The following WDR49 variants were observed in gnomAD, a reference collection of about 807,000 sequenced individuals.
WDR49 encodes the protein cilia- and flagella-associated protein 337.
Under a neutral mutation model 119.5 loss-of-function variants are expected in WDR49, and 107 were observed. The observed-to-expected ratio is 0.90, with a 90% CI of 0.77 to 1.05. The LOEUF is 1.05. Ranked by LOEUF, WDR49 falls within the 50% of genes least tolerant of loss-of-function variation. WDR49 has a pLI of 0.00. For missense variants in WDR49, 1,240 were observed against 1,220.5 expected, an observed-to-expected ratio of 1.02 and a Z score of -0.24; for synonymous variants, 425 against 418.8, an observed-to-expected ratio of 1.01 and a Z score of -0.18.
intron 7 of WDR49, among the ~76,000 whole-genome samples, chr3:167,598,288 G>C (rs935416780): frequency 4.6e-5 from 7 of 151,324 alleles, no homozygotes; most frequent in African/African-American, 1.7e-4. Context: ...GTGGGTGACA[G>C]AGCAAGACTC....
chr3:167,558,785 T>G (rs1019898966), intron 9 of WDR49, among the ~76,000 whole-genome samples: 4 of 152,208 alleles, frequency 2.6e-5, no homozygotes, highest in Non-Finnish European at 5.9e-5. Context: ...TATACCCAGT[T>G]ACTTTCCAAG....
At chr3:167,513,743 C>G (rs1056783725) in intron 16 of WDR49, among the ~76,000 whole-genome samples, 2 of 151,782 alleles carry the variant, frequency 1.3e-5, no homozygotes, top group African/African-American at 2.4e-5. Flanking sequence ...CACATAGGCT[C>G]AAAATAAAGG....
chr3:167,556,611 C>T (rs1397858174), intron 9 of WDR49, among the ~76,000 whole-genome samples: 1 of 152,214 alleles, frequency 6.6e-6, no homozygotes, highest in African/African-American at 2.4e-5. Flanking sequence ...GCAGGCCAGG[C>T]ACCGTGGCTC....
chr3:167,639,973 C>T (rs1226344520), intron 2 of WDR49, among the ~76,000 whole-genome samples: 1 of 151,776 alleles, frequency 6.6e-6, no homozygotes, highest in East Asian at 1.9e-4. Context: ...GGAATCCTTC[C>T]ATGTTTTCTT....
intron 8 of WDR49, 132 bp from the exon 9 acceptor site, chr3:167,560,360 G>T: frequency 3.3e-6 from 3 of 909,038 alleles, no homozygotes; most frequent in South Asian, 1.9e-5. Flanking sequence ...TTTTGTAATG[G>T]ACTTTCTTTC....
intron 5 of WDR49, among the ~76,000 whole-genome samples, chr3:167,611,048 C>A (rs995742794): frequency 2.0e-5 from 3 of 152,140 alleles, no homozygotes; most frequent in Admixed American, 6.5e-5. Context: ...CACAGAATAT[C>A]ATAACACTGT....
At chr3:167,593,870 A>G (rs115146322) in intron 7 of WDR49, among the ~76,000 whole-genome samples, 92 of 152,164 alleles carry the variant, frequency 6.0e-4, no homozygotes, top group African/African-American at 2.0e-3. Flanking sequence ...TTCTCATGAT[A>G]GTGAGGGAAT....
Position 167,543,865 on chromosome 3 carries a change from T to C in WDR49, c.1824-6865A>G, listed in dbSNP as rs1301633938. On this transcript the variant is annotated intron_variant, in intron 10 of 18. Coordinates refer to ENST00000682715, the MANE Select transcript of WDR49 (RefSeq NM_001366157.1). ...AAGTCAAACTGTTGCTGTTTCCCAA[T>C]GATATGATTGTATACCTAGAAAACC... Among the ~76,000 whole-genome samples the C allele has an allele frequency of 4.6e-5, 7 of 152,110 alleles. No individual in the cohort carries two copies. The South Asian group carries it at 1.4e-3, about 31-fold the overall frequency.
intron 18 of WDR49, among the ~76,000 whole-genome samples, chr3:167,496,439 T>C (rs1054940727): frequency 3.3e-5 from 5 of 151,806 alleles, no homozygotes; most frequent in Non-Finnish European, 7.4e-5. Flanking sequence ...ATACCACTCC[T>C]CTACCAGAGT....
rs115744363 is a variant in WDR49 at position 167,488,364 on chromosome 3, T to C, written c.3032-9368A>G. Among the ~76,000 whole-genome samples the C allele has an allele frequency of 5.7e-3, 860 of 151,892 alleles. 3 individuals are homozygous for C. Among genetic ancestry groups the C allele is most frequent in the Admixed American group, 7.8e-3 (119 of 15,222 alleles). On this transcript the variant is annotated intron_variant, in intron 18 of 18. Transcript: ENST00000682715. ...CACTGAGCACACATGGATGTAAATA[T>C]GATAAAAACAGTCACTATGGACTAC...
At chr3:167,485,073 C>T (rs911899769) in intron 18 of WDR49, among the ~76,000 whole-genome samples, 5 of 152,122 alleles carry the variant, frequency 3.3e-5, no homozygotes, top group Non-Finnish European at 7.4e-5. Context: ...GGCCATCATT[C>T]TCAGCAAACT....
chr3:167,523,151 C>A (rs1345398967), intron 15 of WDR49, among the ~76,000 whole-genome samples: 1 of 152,014 alleles, frequency 6.6e-6, no homozygotes, highest in East Asian at 1.9e-4. Context: ...GGCTGGTGCG[C>A]AAATTGATCA....
intron 8 of WDR49, among the ~76,000 whole-genome samples, chr3:167,565,396 C>CAG (rs1223497045): frequency 7.1e-6 from 1 of 140,034 alleles, no homozygotes; most frequent in African/African-American, 2.7e-5. Flanking sequence ...CACACACACA[C>CAG]ACACACACAC....
At chr3:167,604,495 C>G in intron 5 of WDR49, 27 bp from the exon 6 acceptor site, 1 of 1,551,782 alleles carries the variant, frequency 6.4e-7, no homozygotes, top group East Asian at 2.4e-5. Flanking sequence ...AAGAGAAAAA[C>G]AATCTTTAGT....
rs572655479 is a variant in WDR49 at position 167,504,136 on chromosome 3, G to A, written c.2884+1171C>T. Among the ~76,000 whole-genome samples, 9 of 152,292 alleles carry A rather than the reference G, an allele frequency of 5.9e-5. No individual in the cohort carries two copies. In the East Asian group the frequency reaches 1.7e-3, roughly 29 times the overall value. On this transcript the variant is annotated intron_variant, in intron 17 of 18. Coordinates refer to ENST00000682715, the MANE Select transcript of WDR49 (RefSeq NM_001366157.1). The stretch of plus-strand genomic sequence containing the variant: ...TGTGGGGTTGGAGGTCTCATGCAGA[G>A]TCCCCACTGGGGCACTGCCTAGTGG...
At chr3:167,608,834 A>G (rs1475098266) in intron 5 of WDR49, among the ~76,000 whole-genome samples, 1 of 151,572 alleles carries the variant, frequency 6.6e-6, no homozygotes, top group Non-Finnish European at 1.5e-5. Context: ...CTTTTATATA[A>G]CATTATAGAG....
intron 8 of WDR49, chr3:167,575,362 G>T (rs1714194166): frequency 3.3e-6 from 3 of 901,934 alleles, no homozygotes; most frequent in Non-Finnish European, 4.0e-6. Context: ...GGTCCCCTAA[G>T]CCAAGGCTGC....
intron 15 of WDR49, among the ~76,000 whole-genome samples, chr3:167,526,786 T>C (rs1404663141): frequency 6.6e-6 from 1 of 152,104 alleles, no homozygotes; most frequent in Non-Finnish European, 1.5e-5. Context: ...AAACTGACTT[T>C]ACAAATACAG....
intron 18 of WDR49, among the ~76,000 whole-genome samples, 173 bp downstream of exon 18, chr3:167,499,980 T>C (rs145742459): frequency 1.2e-3 from 190 of 152,304 alleles, no homozygotes; most frequent in African/African-American, 4.4e-3. Flanking sequence ...GGCTCTCCTA[T>C]CTGAGAGCAC....
Sources: allele counts gnomAD v4.1 joint callset (sites outside exome capture counted in the v4.1 genomes callset), GRCh38; gene constraint gnomAD v4.1.1; transcripts MANE v1.5; gene names NCBI Gene and HGNC (gene_info 2026-07-23, HGNC 2026-07-21).